Variants in RANBP2 observed in about 807,000 individuals in gnomAD.
RANBP2 encodes the protein RAN binding protein 2.
In RANBP2, 57 loss-of-function variants were observed where a neutral mutation model predicts 303.6. That is an observed-to-expected ratio of 0.19 (90% CI 0.15 to 0.23). RANBP2 has a LOEUF of 0.23. Among genes scored for constraint, RANBP2 ranks in the 10% least tolerant of loss-of-function variants. The pLI is 1.00. For missense variants in RANBP2, 3,138 were observed against 3,780.8 expected (o/e 0.83, Z 4.46); for synonymous variants, 1,167 against 1,301.5 (o/e 0.90, Z 2.23).
chr2:109,323,144 G>A, the RANBP2 span, among the ~76,000 whole-genome samples: 24 of 152,276 alleles, frequency 1.6e-4, no homozygotes, highest in African/African-American at 5.1e-4. Context: ...GAGAGGCCTC[G>A]GCTTCCAGAG....
At chr2:108,978,985 G>C in the RANBP2 span, among the ~76,000 whole-genome samples, 444 of 152,318 alleles carry the variant, frequency 2.9e-3, no homozygotes, top group Middle Eastern at 6.8e-3. Context: ...GGGGCAGGAG[G>C]GGGTGTAGTG....
At chr2:108,752,734 A>G (rs1225780993) in intron 12 of RANBP2, among the ~76,000 whole-genome samples, 1 of 151,598 alleles carries the variant, frequency 6.6e-6, no homozygotes, top group Non-Finnish European at 1.5e-5. Context: ...CGGAGCTTGC[A>G]GTGAGCCGAG....
the RANBP2 span, among the ~76,000 whole-genome samples, chr2:109,380,249 A>G: frequency 6.6e-6 from 1 of 152,164 alleles, no homozygotes; most frequent in Non-Finnish European, 1.5e-5. Flanking sequence ...TCTTCGTGAA[A>G]TTAACATCTT....
chr2:109,658,795 G>A, the RANBP2 span, among the ~76,000 whole-genome samples: 3 of 151,984 alleles, frequency 2.0e-5, no homozygotes, highest in Non-Finnish European at 2.9e-5. Context: ...GGCCAGGCAC[G>A]GTGGCTCACA....
the RANBP2 span, among the ~76,000 whole-genome samples, chr2:109,474,220 G>A: frequency 1.2e-3 from 183 of 152,294 alleles, no homozygotes; most frequent in African/African-American, 4.1e-3. Flanking sequence ...TGGCTCTCTA[G>A]GGAGGTGGGT....
chr2:109,441,958 A>G, the RANBP2 span, among the ~76,000 whole-genome samples: 4 of 152,130 alleles, frequency 2.6e-5, no homozygotes, highest in African/African-American at 9.7e-5. Context: ...TCTTTCAAAA[A>G]AAAAGCAAAA....
At chr2:109,285,715 C>T in the RANBP2 span, among the ~76,000 whole-genome samples, 2 of 152,176 alleles carry the variant, frequency 1.3e-5, no homozygotes, top group Non-Finnish European at 2.9e-5. Context: ...TGCATCTGTC[C>T]CTGAGCCTGG....
the RANBP2 span, among the ~76,000 whole-genome samples, chr2:109,159,995 G>C: frequency 1.3e-5 from 2 of 152,154 alleles, no homozygotes; most frequent in African/African-American, 4.8e-5. Context: ...AATGTGATGC[G>C]CTTGAATCAT....
chr2:109,264,066 C>G, the RANBP2 span, among the ~76,000 whole-genome samples: 1 of 152,370 alleles, frequency 6.6e-6, no homozygotes, highest in African/African-American at 2.4e-5. Flanking sequence ...GCTGTTCCAG[C>G]TCCTCCCTGT....
At chr2:108,865,566 C>T in the RANBP2 span, among the ~76,000 whole-genome samples, 9 of 152,210 alleles carry the variant, frequency 5.9e-5, no homozygotes, top group Non-Finnish European at 1.2e-4. Flanking sequence ...CCAATCAGCC[C>T]TGACAGAAAT....
At chr2:109,658,585 G>A in the RANBP2 span, among the ~76,000 whole-genome samples, 1 of 152,100 alleles carries the variant, frequency 6.6e-6, no homozygotes, top group Non-Finnish European at 1.5e-5. Flanking sequence ...TTCAGAAATT[G>A]GCAAATGACA....
chr2:109,609,220 T>C, the RANBP2 span, among the ~76,000 whole-genome samples: 1 of 152,330 alleles, frequency 6.6e-6, no homozygotes, highest in East Asian at 1.9e-4. Context: ...TGCAAGCATT[T>C]ATAATTTATT....
At chr2:109,651,799 C>T in the RANBP2 span, among the ~76,000 whole-genome samples, 3 of 152,122 alleles carry the variant, frequency 2.0e-5, no homozygotes, top group African/African-American at 4.8e-5. Context: ...TGTTTCCCAA[C>T]GGCATCCACC....
the RANBP2 span, among the ~76,000 whole-genome samples, chr2:108,901,962 G>A: frequency 6.6e-6 from 1 of 151,938 alleles, no homozygotes; most frequent in Non-Finnish European, 1.5e-5. Context: ...AATTAGGGCT[G>A]GGCATGGTGG....
the RANBP2 span, among the ~76,000 whole-genome samples, chr2:109,288,055 T>C: frequency 6.6e-6 from 1 of 152,230 alleles, no homozygotes; most frequent in African/African-American, 2.4e-5. Flanking sequence ...AGCTGTCCCA[T>C]TGTCACATCA....
chr2:108,768,500 C>G, intron 20 of RANBP2, 112 bp downstream of exon 20: 1 of 1,583,938 alleles, frequency 6.3e-7, no homozygotes. Flanking sequence ...GCTTTGTGAA[C>G]ACCCCCAAAA....
chr2:108,854,214 T>C, the RANBP2 span, among the ~76,000 whole-genome samples: 456 of 149,748 alleles, frequency 3.0e-3, 4 homozygotes, highest in African/African-American at 0.011. Flanking sequence ...ATTTTTAAAT[T>C]GTGAGCTTAT....
At chr2:109,335,238 G>T in the RANBP2 span, among the ~76,000 whole-genome samples, 2 of 152,224 alleles carry the variant, frequency 1.3e-5, no homozygotes, top group Non-Finnish European at 2.9e-5. Flanking sequence ...GGGACTGTGG[G>T]GCAAGGCCCC....
the RANBP2 span, among the ~76,000 whole-genome samples, chr2:109,397,366 A>C: frequency 6.6e-6 from 1 of 152,252 alleles, no homozygotes; most frequent in South Asian, 2.1e-4. Flanking sequence ...GCCTGATGGC[A>C]TTTGCCTAAC....
Sources: gnomAD v4.1 joint callset for allele counts (sites outside exome capture counted in the v4.1 genomes callset) on GRCh38, gnomAD v4.1.1 for gene constraint, MANE v1.5 for transcripts, NCBI Gene and HGNC (gene_info 2026-07-23, HGNC 2026-07-21) for gene names.